The following GPR158 variants were observed in gnomAD, a reference collection of about 807,000 sequenced individuals.
The protein encoded by GPR158 is metabotropic glycine receptor.
Under a neutral mutation model 78.2 loss-of-function variants are expected in GPR158, and 30 were observed. The observed-to-expected ratio is 0.38, with a 90% confidence interval of 0.29 to 0.52. The LOEUF (loss-of-function observed/expected upper bound fraction) is 0.52. GPR158 is among the 20% of genes least tolerant of loss of function. The pLI is 0.83. For missense variants in GPR158, 1,463 were observed against 1,523.5 expected (o/e 0.96, Z 0.66); for synonymous variants, 581 against 591.1 (o/e 0.98, Z 0.25).
intron 4 of GPR158, among the ~76,000 whole-genome samples, chr10:25,453,184 A>G (rs1323412738): frequency 6.6e-6 from 1 of 152,200 alleles, no homozygotes; most frequent in Non-Finnish European, 1.5e-5. Flanking sequence ...CACAGTGAAC[A>G]TGGGAGTGCA....
At chr10:25,410,071 T>C (rs1230173704) in intron 3 of GPR158, among the ~76,000 whole-genome samples, 1 of 152,172 alleles carries the variant, frequency 6.6e-6, no homozygotes, top group Non-Finnish European at 1.5e-5. Context: ...TTTTAGTAAA[T>C]TGCATTTCTT....
intron 1 of GPR158, among the ~76,000 whole-genome samples, chr10:25,189,236 A>G (rs1471090959): frequency 6.6e-6 from 1 of 152,208 alleles, no homozygotes; most frequent in African/African-American, 2.4e-5. Context: ...CAATTCCTCA[A>G]GGATCTAGAA....
chr10:25,471,578 A>G (rs1395120485), intron 5 of GPR158, among the ~76,000 whole-genome samples: 2 of 152,154 alleles, frequency 1.3e-5, no homozygotes, highest in East Asian at 1.9e-4. Context: ...AGTCCCACCA[A>G]TAGTATAAAA....
At chr10:25,190,920 A>C (rs897134116) in intron 1 of GPR158, among the ~76,000 whole-genome samples, 4 of 152,214 alleles carry the variant, frequency 2.6e-5, no homozygotes, top group African/African-American at 9.6e-5. Context: ...GAGAAATAAG[A>C]GACAATGTTG....
chr10:25,469,173 T>C (rs746874639), intron 5 of GPR158, among the ~76,000 whole-genome samples: 1 of 152,232 alleles, frequency 6.6e-6, no homozygotes, highest in Non-Finnish European at 1.5e-5. Context: ...CTTTTCTTAA[T>C]GTACACTCTC....
intron 5 of GPR158, among the ~76,000 whole-genome samples, chr10:25,515,804 A>C (rs61846655): frequency 3.4e-5 from 5 of 145,784 alleles, no homozygotes; most frequent in African/African-American, 1.0e-4. Flanking sequence ...AGTCTTTGCT[A>C]TTGTGAATAA....
At chr10:25,212,384 A>G (rs370837575) in intron 1 of GPR158, among the ~76,000 whole-genome samples, 1 of 152,126 alleles carries the variant, frequency 6.6e-6, no homozygotes, top group Non-Finnish European at 1.5e-5. Context: ...CATACTCACC[A>G]TCACAAGAAC....
At chr10:25,257,123 G>A (rs1177690729) in intron 2 of GPR158, among the ~76,000 whole-genome samples, 1 of 152,156 alleles carries the variant, frequency 6.6e-6, no homozygotes, top group Non-Finnish European at 1.5e-5. Flanking sequence ...CATAGAATTG[G>A]CATCTGGTGA....
In GPR158 at chr10:25,241,356, T is replaced by TC. The variant is rs1335006272; in HGVS notation, c.1008+20199_1008+20200insC. On this transcript the variant is annotated intron_variant, in intron 2 of 10. Transcript: ENST00000376351. ...CTTCTCTTTTCTCTTTTCTCTTTTCTTTTCTCTTTTCTTTTCTCTCTTCTC... is the reference window on the plus strand; with the variant it reads ...CTTCTCTTTTCTCTTTTCTCTTTTCTCTTTCTCTTTTCTTTTCTCTCTTCTC... Among the ~76,000 whole-genome samples the TC allele has an allele frequency of 8.3e-4, 114 of 137,246 alleles. 6 individuals carry two copies. Among genetic ancestry groups the TC allele is most frequent in the African/African-American group, 3.2e-3 (101 of 31,510 alleles). The allele number at this position is 137,246 out of a possible 152,430, so 90.0% of individuals were successfully genotyped here.
At chr10:25,404,267 G>C (rs1267765528) in intron 3 of GPR158, among the ~76,000 whole-genome samples, 4 of 151,982 alleles carry the variant, frequency 2.6e-5, no homozygotes, top group African/African-American at 9.7e-5. Flanking sequence ...TTACAACTTT[G>C]TGTTCCTTTT....
chr10:25,370,919 G>C (rs1054325206), intron 2 of GPR158, among the ~76,000 whole-genome samples: 9 of 151,384 alleles, frequency 5.9e-5, no homozygotes, highest in Admixed American at 4.6e-4. Flanking sequence ...TTACCATTAA[G>C]TAATGGTCTT....
intron 2 of GPR158, among the ~76,000 whole-genome samples, chr10:25,354,887 C>T (rs1216218084): frequency 6.6e-6 from 1 of 152,038 alleles, no homozygotes; most frequent in East Asian, 1.9e-4. Context: ...GCCCCACTCC[C>T]TCCTGGTCTT....
At chr10:25,253,005 A>G (rs576770015) in intron 2 of GPR158, among the ~76,000 whole-genome samples, 7 of 152,298 alleles carry the variant, frequency 4.6e-5, no homozygotes, top group South Asian at 2.1e-4. Context: ...GGTGTGGGAT[A>G]TAGTCTCGTG....
At chr10:25,296,438 T>A (rs771613494) in intron 2 of GPR158, among the ~76,000 whole-genome samples, 19 of 151,546 alleles carry the variant, frequency 1.3e-4, no homozygotes, top group Non-Finnish European at 2.7e-4. Context: ...ATTATAACAT[T>A]ATATATTATC....
intron 5 of GPR158, among the ~76,000 whole-genome samples, chr10:25,531,742 T>G (rs12249673): frequency 0.033 from 5,017 of 152,266 alleles, 283 homozygotes; most frequent in African/African-American, 0.11. Flanking sequence ...GGAATAAATA[T>G]AGGAGAAATA....
chr10:25,503,484 G>A (rs866299681), intron 5 of GPR158, among the ~76,000 whole-genome samples: 11 of 152,274 alleles, frequency 7.2e-5, no homozygotes, highest in Middle Eastern at 3.4e-3. Context: ...TAAGAGTGGA[G>A]AAAAATAGAA....
In GPR158 at chr10:25,408,797, C is replaced by T. The variant is rs574024746; in HGVS notation, c.1112-3453C>T. Among the ~76,000 whole-genome samples, 21 of 152,206 alleles carry T rather than the reference C, an allele frequency of 1.4e-4. 1 individual carries two copies. Among genetic ancestry groups the T allele is most frequent in the African/African-American group, 4.6e-4 (19 of 41,522 alleles). On this transcript the variant is annotated intron_variant, in intron 3 of 10. Coordinates refer to ENST00000376351, the MANE Select transcript of GPR158 (RefSeq NM_020752.3). ...TCTCTTTCTCTACCCATTGCGATCA[C>T]CATGTCCTGAAGGTTTTGAATGGCT... is the stretch of plus-strand genomic sequence containing the variant.
At chr10:25,279,192 T>A (rs926568599) in intron 2 of GPR158, among the ~76,000 whole-genome samples, 5 of 152,180 alleles carry the variant, frequency 3.3e-5, no homozygotes, top group African/African-American at 1.2e-4. Context: ...CTGCTGCTAC[T>A]ACTACTACTA....
In GPR158 at chr10:25,599,395, TAAAGTC is replaced by T; in HGVS notation, c.*126_*131del. 1 of 787,560 alleles carries T rather than the reference TAAAGTC, an allele frequency of 1.3e-6. No individual in the cohort carries two copies. Among genetic ancestry groups the T allele is most frequent in the Non-Finnish European group, 2.0e-6 (1 of 500,768 alleles). 48.8% of individuals were successfully genotyped at this position (787,560 alleles called of 1,614,324 possible). ...AAGGAAAACATGACAGATGGTGAGGTAAAGTCAAAGGCATGGGTAGAAGAGGACCAG... is the reference window on the plus strand; with the variant it reads ...AAGGAAAACATGACAGATGGTGAGGTAAAGGCATGGGTAGAAGAGGACCAG... On this transcript the variant is annotated 3_prime_UTR_variant, in exon 11 of 11. Coordinates refer to ENST00000376351, the MANE Select transcript of GPR158 (RefSeq NM_020752.3).
Sources: allele counts gnomAD v4.1 joint callset (sites outside exome capture counted in the v4.1 genomes callset), GRCh38; gene constraint gnomAD v4.1.1; transcripts MANE v1.5; gene names NCBI Gene and HGNC (gene_info 2026-07-23, HGNC 2026-07-21).